AK9: variants seen among roughly 807,000 people sequenced by gnomAD.
AK9 encodes adenylate kinase domain containing 1.
Under a neutral mutation model 239.6 loss-of-function variants are expected in AK9, and 191 were observed. The observed-to-expected ratio is 0.80, with a 90% CI of 0.71 to 0.90. The LOEUF (loss-of-function observed/expected upper bound fraction) is 0.90, where lower values mean the gene tolerates loss of function less well. Ranked by LOEUF, AK9 falls within the 40% of genes least tolerant of loss-of-function variation. The pLI is 0.00. For synonymous variants in AK9, 689 were observed against 721.0 expected (o/e 0.96, Z 0.71); for missense variants, 1,995 against 2,214.7 (o/e 0.90, Z 1.99).
intron 17 of AK9, among the ~76,000 whole-genome samples, chr6:109,604,785 G>T (rs1357783902): frequency 1.3e-5 from 2 of 152,106 alleles, no homozygotes; most frequent in African/African-American, 4.8e-5. Flanking sequence ...AATTGAGAAA[G>T]ATACCTTAAT....
rs2128184036 is a variant in AK9 at position 109,564,243 on chromosome 6, A to G, written c.2472T>C (p.Asp824=). 6.4e-7 allele frequency: 1 copy of G among 1,551,358 alleles called. No individual in the cohort carries two copies. Among genetic ancestry groups the G allele is most frequent in the East Asian group, 2.4e-5 (1 of 40,886 alleles). ...LPEFPEDSYP[D]VPEMEPFKEK... is the part of the protein sequence containing the mutation. ...CTTTAAATGGCTCCATTTCGGGAACATCAGGATAAGAGTCTTCTGGAAACT... is the reference window on the plus strand; with the variant it reads ...CTTTAAATGGCTCCATTTCGGGAACGTCAGGATAAGAGTCTTCTGGAAACT... The change falls in exon 23 of 41, where the codon GAT becomes GAC. Residue 824 remains aspartate, a synonymous_variant. Coordinates refer to ENST00000424296, the MANE Select transcript of AK9 (RefSeq NM_001145128.3).
chr6:109,661,090 A>G, intron 6 of AK9: 1 of 315,732 alleles, frequency 3.2e-6, no homozygotes, highest in Non-Finnish European at 6.2e-6. Context: ...TAGAAATTCC[A>G]GGCTTATTCC....
chr6:109,573,721 A>T, intron 20 of AK9, 127 bp from the exon 21 acceptor site: 1 of 839,556 alleles, frequency 1.2e-6, no homozygotes, highest in Non-Finnish European at 1.8e-6. Flanking sequence ...TATGTAGTTT[A>T]ATGGGGGAGA....
intron 29 of AK9, among the ~76,000 whole-genome samples, chr6:109,519,633 A>G (rs531401793): frequency 6.6e-6 from 1 of 151,952 alleles, no homozygotes; most frequent in East Asian, 1.9e-4. Flanking sequence ...TGTCTCTCCG[A>G]AAGTAAAAAA....
chr6:109,526,548 C>G (rs1232071464), intron 29 of AK9, among the ~76,000 whole-genome samples: 1 of 151,976 alleles, frequency 6.6e-6, no homozygotes, highest in African/African-American at 2.4e-5. Context: ...TACATCTGGA[C>G]AGAAGCTTGT....
intron 13 of AK9, among the ~76,000 whole-genome samples, chr6:109,614,681 AAGCACTGCTGTG>A (rs1289026861): frequency 6.6e-6 from 1 of 152,024 alleles, no homozygotes; most frequent in Non-Finnish European, 1.5e-5. Flanking sequence ...TTTAAACTGA[AAGCACTGCTGTG>A]AGGATTAAAT....
At chr6:109,672,376 C>T (rs909102724) in intron 3 of AK9, among the ~76,000 whole-genome samples, 1 of 152,184 alleles carries the variant, frequency 6.6e-6, no homozygotes, top group Admixed American at 6.5e-5. Context: ...GTCTCTGCCA[C>T]TTACTAAGCT....
intron 10 of AK9, among the ~76,000 whole-genome samples, chr6:109,640,349 T>C (rs371335730): frequency 2.0e-4 from 31 of 152,186 alleles, no homozygotes; most frequent in African/African-American, 7.0e-4. Context: ...CGGCTTCCCT[T>C]GGCTAGGAAA....
In AK9 at chr6:109,641,508, T is replaced by C. The variant is rs199613667; in HGVS notation, c.933+10A>G. ...AAAATTAGACTTTCAGACAGTTCCA[T>C]ATAACTTACATTTTCCATTGTGTCA... On this transcript the variant is annotated intron_variant, in intron 10 of 40. Transcript: ENST00000424296. 2.0e-4 allele frequency: 324 copies of C among 1,603,266 alleles called. 1 individual carries two copies. The African/African-American group carries it at 3.8e-3, about 19-fold the overall frequency.
intron 28 of AK9, among the ~76,000 whole-genome samples, chr6:109,530,209 A>G (rs1781052382): frequency 6.6e-6 from 1 of 152,086 alleles, no homozygotes; most frequent in Non-Finnish European, 1.5e-5. Flanking sequence ...AAATACCGGG[A>G]AGATAGAGTG....
rs903961292 is a variant in AK9 at position 109,533,468 on chromosome 6, G to A, written c.3353C>T (p.Ser1118Phe). 8.3e-6 allele frequency: 13 copies of A among 1,566,552 alleles called. No individual in the cohort carries two copies. Among genetic ancestry groups the A allele is most frequent in the African/African-American group, 4.1e-5 (3 of 72,400 alleles). Residue 1118 changes from serine to phenylalanine, a missense_variant and splice_region_variant, in exon 28 of 41, where the codon TCC becomes TTC. This residue lies in a region of AK9 where 1,290 missense variants were observed against 1,392.7 expected (regional missense o/e 0.93). Transcript: ENST00000424296. ...GAAACCATCTAATATAAAACCTGTG[G>A]AACTGGTGGAAATTTTCATAATTTA... is the stretch of plus-strand genomic sequence containing the variant. Reference protein sequence around the residue: ...SEWWLKEPIRSTGFILDGFPR... With the variant: ...SEWWLKEPIRFTGFILDGFPR...
At chr6:109,658,881 GA>G (rs1385753978) in intron 7 of AK9, among the ~76,000 whole-genome samples, 7 of 151,884 alleles carry the variant, frequency 4.6e-5, no homozygotes, top group African/African-American at 1.7e-4. Context: ...GTAGGTAACA[GA>G]AAATAGACTA....
intron 35 of AK9, among the ~76,000 whole-genome samples, chr6:109,504,246 C>T (rs1049559422): frequency 1.3e-5 from 2 of 152,000 alleles, no homozygotes; most frequent in African/African-American, 4.8e-5. Context: ...CATCTGTAGT[C>T]TTAGCTACTG....
At chr6:109,533,568 A>C in intron 27 of AK9, 98 bp from the exon 28 acceptor site, 2 of 959,312 alleles carry the variant, frequency 2.1e-6, no homozygotes, top group Non-Finnish European at 3.0e-6. Context: ...AGGTATATTA[A>C]GTCATCATTA....
intron 38 of AK9, among the ~76,000 whole-genome samples, chr6:109,495,927 C>T (rs1776985278): frequency 6.6e-6 from 1 of 151,942 alleles, no homozygotes; most frequent in Non-Finnish European, 1.5e-5. Context: ...TTTGCCACTT[C>T]CTTATTGGGT....
chr6:109,687,858 G>A (rs1773739461), intron 1 of AK9, among the ~76,000 whole-genome samples: 2 of 152,220 alleles, frequency 1.3e-5, no homozygotes, highest in African/African-American at 4.8e-5. Flanking sequence ...ACTAATGTAA[G>A]TGGATGTAAA....
chr6:109,660,360 C>A (rs888287634), intron 6 of AK9, among the ~76,000 whole-genome samples: 10 of 152,240 alleles, frequency 6.6e-5, no homozygotes, highest in African/African-American at 2.4e-4. Flanking sequence ...CTCCTCTTGT[C>A]ATTTATTAAG....
chr6:109,559,219 G>A (rs1785419075), intron 24 of AK9, among the ~76,000 whole-genome samples: 1 of 151,662 alleles, frequency 6.6e-6, no homozygotes, highest in Non-Finnish European at 1.5e-5. Flanking sequence ...CCCAGGCGGA[G>A]TGCAGTGGCA....
chr6:109,624,864 T>C (rs1242051957), intron 12 of AK9, among the ~76,000 whole-genome samples: 1 of 152,156 alleles, frequency 6.6e-6, no homozygotes, highest in Non-Finnish European at 1.5e-5. Context: ...TTATAGTTTC[T>C]TTTCTTTTCT....
Sources: gnomAD v4.1 joint callset for allele counts (sites outside exome capture counted in the v4.1 genomes callset) on GRCh38, gnomAD v4.1.1 for gene constraint, gnomAD v4.1.1 regional missense constraint, MANE v1.5 for transcripts, NCBI Gene and HGNC (gene_info 2026-07-23, HGNC 2026-07-21) for gene names.